The following UNC80 variants were observed in gnomAD, a reference collection of about 807,000 sequenced individuals.
UNC80 encodes the protein unc-80 subunit of NALCN channel complex.
Under a neutral mutation model 384.6 loss-of-function variants are expected in UNC80, and 164 were observed. The ratio of observed to expected loss-of-function variants is 0.43; its 90% CI spans 0.38 to 0.49. The LOEUF is 0.49. Ranked by LOEUF, UNC80 falls within the 20% of genes least tolerant of loss-of-function variation. The probability of loss-of-function intolerance (pLI) is 0.00; values close to 1 mark genes in which losing one functional copy is unlikely to be tolerated. For synonymous variants in UNC80, 1,486 were observed against 1,527.8 expected, an observed-to-expected ratio of 0.97 and a Z score of 0.64; for missense variants, 3,330 against 4,143.0, an observed-to-expected ratio of 0.80 and a Z score of 5.39.
chr2:209,914,019 T>G (rs2089245115), intron 31 of UNC80, 79 bp downstream of exon 31: 26 of 1,449,854 alleles, frequency 1.8e-5, no homozygotes, highest in Admixed American at 2.6e-5. Context: ...GAGAGGTGTT[T>G]CCATTCTATT....
At position 209,941,346 on chromosome 2, in the gene UNC80, G is replaced by A. The variant is rs1161523752; in HGVS notation, c.6772G>A (p.Val2258Ile). 9.7e-6 allele frequency: 15 copies of A among 1,551,070 alleles called. No homozygotes were observed. The African/African-American group carries it at 1.1e-4, about 11-fold the overall frequency. ...AGACGAAATCATGCTTTTCCTCAACGTTTTTAACGGGGCTCTGATCCTCCA... is the reference window on the plus strand; with the variant it reads ...AGACGAAATCATGCTTTTCCTCAACATTTTTAACGGGGCTCTGATCCTCCA... ...WGDEIMLFLN[V>I]FNGALILHPE... Residue 2258 changes from valine to isoleucine, a missense_variant, in exon 44 of 65, where the codon GTT becomes ATT. By Grantham distance (29) the Val-to-Ile change is conservative. Around this residue, in one of 8 missense-constraint regions of UNC80, gnomAD observed 1,049 missense variants for 1,488.6 expected, o/e 0.70. Transcript: ENST00000673920.
intron 11 of UNC80, 101 bp from the exon 12 acceptor site, chr2:209,818,892 A>G: frequency 3.3e-6 from 4 of 1,218,670 alleles, no homozygotes; most frequent in Non-Finnish European, 4.5e-6. Flanking sequence ...TTCAAAAACT[A>G]CAGCTGTTAT....
At chr2:209,813,220 C>T (rs2079489894) in intron 7 of UNC80, among the ~76,000 whole-genome samples, 1 of 152,162 alleles carries the variant, frequency 6.6e-6, no homozygotes. Context: ...TGTCCATCAC[C>T]CAAATTACTC....
At chr2:209,877,400 C>G (rs1178952165) in intron 23 of UNC80, among the ~76,000 whole-genome samples, 3 of 152,084 alleles carry the variant, frequency 2.0e-5, no homozygotes, top group Non-Finnish European at 4.4e-5. Context: ...GTTAGCATTT[C>G]TTACTAATTC....
chr2:209,844,483 C>CTT lies in UNC80; in HGVS notation c.3454+2037_3454+2038insTT, dbSNP rs1559186010. On this transcript the variant is annotated intron_variant, in intron 21 of 64. Coordinates refer to ENST00000673920, the MANE Select transcript of UNC80 (RefSeq NM_001371986.1). ...TCTTTCTTTCTTTCTTTCTTTCCTT[C>CTT]CTTCCTTCCTTCCTTCCTTCCTTCC... is the stretch of plus-strand genomic sequence containing the variant. 5.9e-3 allele frequency among the ~76,000 whole-genome samples: 419 copies of CTT among 71,014 alleles called. 18 individuals are homozygous for CTT. Among genetic ancestry groups the CTT allele is most frequent in the Non-Finnish European group, 6.6e-3 (238 of 35,852 alleles). The allele number at this position is 71,014 out of a possible 152,430, so 46.6% of individuals were successfully genotyped here.
At chr2:209,801,518 G>C (rs561894674) in intron 7 of UNC80, among the ~76,000 whole-genome samples, 2 of 150,902 alleles carry the variant, frequency 1.3e-5, no homozygotes, top group South Asian at 4.2e-4. Flanking sequence ...GAGTAGCTGG[G>C]ATTACAGGTG....
chr2:209,973,039 C>G (rs1471422413), intron 55 of UNC80, 25 bp from the exon 56 acceptor site: 50 of 1,549,538 alleles, frequency 3.2e-5, no homozygotes, highest in Non-Finnish European at 4.0e-5. Flanking sequence ...CTTTCCACTT[C>G]CGTCTTCCAA....
intron 12 of UNC80, among the ~76,000 whole-genome samples, chr2:209,819,817 A>G (rs1185122452): frequency 6.6e-6 from 1 of 152,232 alleles, no homozygotes. Context: ...AAACCAATAA[A>G]GGAACATAAT....
In UNC80 at chr2:209,956,985, T is replaced by TA. The variant is rs991781486; in HGVS notation, c.7458-651dup. Among the ~76,000 whole-genome samples the TA allele has an allele frequency of 9.2e-5, 14 of 152,152 alleles. No individual in the cohort carries two copies. In the Middle Eastern group the frequency reaches 0.014, roughly 148 times the overall value. ...GATGATTTCATAAAAGCAGTTGCTT[T>TA]AAAAAAAACTGCATTATGCCTTTTT... is the stretch of plus-strand genomic sequence containing the variant. On this transcript the variant is annotated intron_variant, in intron 48 of 64. Coordinates refer to ENST00000673920, the MANE Select transcript of UNC80 (RefSeq NM_001371986.1).
In UNC80 at chr2:209,840,728, T is replaced by C. The variant is rs890086188; in HGVS notation, c.3357+80T>C. ...TGAAGGCTGAGAAATAGCAAACACC[T>C]GCAGGGGCCAAATAAGGAAAAGCTG... On this transcript the variant is annotated intron_variant, in intron 20 of 64. Coordinates refer to ENST00000673920, the MANE Select transcript of UNC80 (RefSeq NM_001371986.1). 5.2e-6 allele frequency: 6 copies of C among 1,155,096 alleles called. No individual in the cohort carries two copies. In the East Asian group the frequency reaches 1.5e-4, roughly 30 times the overall value. The allele number at this position is 1,155,096 out of a possible 1,614,324, so 71.6% of individuals were successfully genotyped here.
chr2:209,831,204 T>C (rs1001734180), intron 15 of UNC80, among the ~76,000 whole-genome samples: 5 of 152,166 alleles, frequency 3.3e-5, no homozygotes, highest in Non-Finnish European at 7.4e-5. Context: ...CTAAGATTTA[T>C]CAATAAAACC....
chr2:209,959,690 T>A lies in UNC80; in HGVS notation c.7788T>A (p.Asp2596Glu). The change falls in exon 51 of 65, where the codon GAT (aspartate) becomes GAA (glutamate). Residue 2596 changes from aspartate (D) to glutamate (E), a missense_variant. Physicochemically the swap from Asp to Glu is conservative, Grantham distance 45. Transcript: ENST00000673920. The part of the protein sequence containing the change: ...EPRVIALELL[D>E]VKSHMRLAEI... ...GGGTCATTGCCTTGGAACTGCTGGA[T>A]GTGAAGTCTCACATGAGGTACTGGC... is the stretch of plus-strand genomic sequence containing the variant. 2 of 1,551,506 alleles carry A rather than the reference T, an allele frequency of 1.3e-6. No individual in the cohort carries two copies. The highest frequency in any genetic ancestry group is 1.7e-6 in the Non-Finnish European group (2 of 1,146,972).
intron 28 of UNC80, among the ~76,000 whole-genome samples, chr2:209,903,259 C>CATGGAT (rs1249855614): frequency 7.4e-6 from 1 of 135,258 alleles, no homozygotes; most frequent in Admixed American, 8.2e-5. Context: ...ATACAGAAAC[C>CATGGAT]ATGGATATGG....
chr2:209,959,494 AC>A lies in UNC80; in HGVS notation c.7594del (p.Leu2532PhefsTer32). The A allele has an allele frequency of 6.4e-7, 1 of 1,551,586 alleles. No individual in the cohort carries two copies. The highest frequency in any genetic ancestry group is 8.7e-7 in the Non-Finnish European group (1 of 1,146,938). ...AATCTTTCACAATTTCCCAGGGAAA[AC>A]CTTCATTTACTGGAGGAAGGGCAAG... ...QGAKLHFIRE[N>X]LHLLEEGQGI... On this transcript the variant is annotated frameshift_variant, in exon 51 of 65. Coordinates refer to ENST00000673920, the MANE Select transcript of UNC80 (RefSeq NM_001371986.1). LOFTEE classifies it high-confidence loss of function.
intron 35 of UNC80, among the ~76,000 whole-genome samples, chr2:209,924,611 A>G (rs912268947): frequency 6.6e-6 from 1 of 152,082 alleles, no homozygotes; most frequent in South Asian, 2.1e-4. Flanking sequence ...ACAACCTTGT[A>G]CATATGTACA....
chr2:209,977,883 T>G (rs2093053299), intron 58 of UNC80, among the ~76,000 whole-genome samples: 1 of 152,208 alleles, frequency 6.6e-6, no homozygotes, highest in Non-Finnish European at 1.5e-5. Context: ...TAGGTTTTCT[T>G]TTTTGTGGGA....
chr2:209,886,827 T>G (rs1244500107), intron 25 of UNC80, among the ~76,000 whole-genome samples: 1 of 152,276 alleles, frequency 6.6e-6, no homozygotes, highest in East Asian at 1.9e-4. Flanking sequence ...CTACCAGAAA[T>G]TTAGCTGTTT....
intron 28 of UNC80, among the ~76,000 whole-genome samples, chr2:209,903,524 CTATATATAT>C (rs58850593): frequency 0.17 from 123 of 712 alleles, 15 homozygotes; most frequent in Admixed American, 0.32. Context: ...AATATATATA[CTATATATAT>C]TATATATAGT....
chr2:209,942,855 TACAC>T (rs10584249), intron 44 of UNC80, among the ~76,000 whole-genome samples: 168 of 145,148 alleles, frequency 1.2e-3, no homozygotes, highest in Non-Finnish European at 1.7e-3. Context: ...CACTCTTTCC[TACAC>T]ACACACACAC....
Sources: allele counts gnomAD v4.1 joint callset (sites outside exome capture counted in the v4.1 genomes callset), GRCh38; gene constraint gnomAD v4.1.1; regional missense constraint gnomAD v4.1.1; transcripts MANE v1.5; gene names NCBI Gene and HGNC (gene_info 2026-07-23, HGNC 2026-07-21).